RARB: variants seen among roughly 807,000 people sequenced by gnomAD.
The protein encoded by RARB is HBV-activated protein.
In RARB, 17 loss-of-function variants were observed where a neutral mutation model predicts 51.9. That is an observed-to-expected ratio of 0.33 (90% CI 0.22 to 0.49). The LOEUF is 0.49. RARB is among the 20% of genes least tolerant of loss of function. The pLI, the probability that RARB is intolerant of heterozygous loss-of-function variation, is 0.99. For synonymous variants in RARB, 215 were observed against 195.4 expected (o/e 1.10, Z -0.84); for missense variants, 369 against 550.8 (o/e 0.67, Z 3.30).
In RARB at chr3:25,225,001, G is replaced by C. The variant is rs73149229; in HGVS notation, c.178+50426G>C. On this transcript the variant is annotated intron_variant, in intron 5 of 11. Coordinates refer to the RARB transcript ENST00000383772. Reference sequence around the variant, plus strand: ...AGATGTAGTCCTCTATAGTACTCTAGATTTTATAAATTTTATAAATCTAGA... The same window carrying C: ...AGATGTAGTCCTCTATAGTACTCTACATTTTATAAATTTTATAAATCTAGA... Among the ~76,000 whole-genome samples the C allele has an allele frequency of 9.3e-3, 1,420 of 152,114 alleles. 20 individuals are homozygous for C. The highest frequency in any genetic ancestry group is 0.033 in the African/African-American group (1,353 of 41,500).
intron 3 of RARB, among the ~76,000 whole-genome samples, chr3:25,129,316 A>G (rs926042300): frequency 6.6e-6 from 1 of 152,062 alleles, no homozygotes; most frequent in Admixed American, 6.6e-5. Flanking sequence ...TTTTTCCACA[A>G]TATATATTTT....
chr3:25,308,444 C>G (rs1253068464), intron 5 of RARB, among the ~76,000 whole-genome samples: 1 of 131,268 alleles, frequency 7.6e-6, no homozygotes. Context: ...GGTTTTCTTT[C>G]TTTCTTTTTT....
At chr3:25,058,997 G>A (rs1014666782) in intron 2 of RARB, among the ~76,000 whole-genome samples, 1 of 151,308 alleles carries the variant, frequency 6.6e-6, no homozygotes, top group Non-Finnish European at 1.5e-5. Context: ...GAGATAACCA[G>A]TATTAATGCC....
intron 5 of RARB, among the ~76,000 whole-genome samples, chr3:25,201,352 G>A (rs1318059850): frequency 8.5e-5 from 13 of 152,198 alleles, no homozygotes; most frequent in Admixed American, 5.9e-4. Context: ...GGGTTTTCTA[G>A]ATATACAATC....
chr3:25,227,205 C>T (rs2125387951), intron 5 of RARB, among the ~76,000 whole-genome samples: 1 of 152,176 alleles, frequency 6.6e-6, no homozygotes, highest in East Asian at 1.9e-4. Flanking sequence ...AAATGAAAAG[C>T]TTCAAATAAA....
intron 2 of RARB, among the ~76,000 whole-genome samples, chr3:24,941,109 A>T (rs533458691): frequency 3.3e-5 from 5 of 152,166 alleles, no homozygotes; most frequent in Admixed American, 2.0e-4. Context: ...TAGAATGGGG[A>T]TGAGGTAAAG....
intron 5 of RARB, among the ~76,000 whole-genome samples, chr3:25,292,178 G>A (rs1289043929): frequency 6.6e-6 from 1 of 152,080 alleles, no homozygotes; most frequent in Non-Finnish European, 1.5e-5. Context: ...AGGAGAATTT[G>A]ACAAATTAAC....
chr3:25,539,334 C>G (rs1438027788), intron 3 of RARB, among the ~76,000 whole-genome samples: 2 of 152,108 alleles, frequency 1.3e-5, no homozygotes, highest in Admixed American at 6.5e-5. Flanking sequence ...TTAACTCCTA[C>G]CTGTTGGCCC....
intron 5 of RARB, among the ~76,000 whole-genome samples, chr3:25,311,779 G>T (rs1281406836): frequency 6.6e-6 from 1 of 152,064 alleles, no homozygotes; most frequent in African/African-American, 2.4e-5. Flanking sequence ...CTTTCCCCAG[G>T]GCACATATGG....
intron 5 of RARB, among the ~76,000 whole-genome samples, chr3:25,289,121 T>A (rs770088987): frequency 2.6e-5 from 4 of 152,198 alleles, no homozygotes. Flanking sequence ...GGATTAGAGC[T>A]CAGATTTAGA....
chr3:25,336,550 ATTC>A (rs951298903), intron 5 of RARB, among the ~76,000 whole-genome samples: 13 of 152,252 alleles, frequency 8.5e-5, no homozygotes, highest in African/African-American at 2.9e-4. Context: ...TCCTGGCCCA[ATTC>A]TTCTTTGAGG....
At chr3:25,563,937 T>C (rs1159300559) in intron 3 of RARB, among the ~76,000 whole-genome samples, 2 of 139,378 alleles carry the variant, frequency 1.4e-5, no homozygotes, top group African/African-American at 2.8e-5. Context: ...ATACCATCAA[T>C]TGTATTTTCC....
rs577105294 is a variant in RARB, at chr3:25,047,156, C to A, written c.-379-12969C>A. Among the ~76,000 whole-genome samples the A allele has an allele frequency of 4.6e-5, 7 of 152,240 alleles. No individual in the cohort carries two copies. In the South Asian group the frequency reaches 1.0e-3, roughly 23 times the overall value. ...TGTCTTGAGCTTTACAGATTACTTA[C>A]AGAAAAGAGCCCAGGAGTTATTGCT... On this transcript the variant is annotated intron_variant, in intron 2 of 11. Coordinates refer to the RARB transcript ENST00000383772.
At chr3:25,251,976 G>A (rs905731839) in intron 5 of RARB, among the ~76,000 whole-genome samples, 3 of 151,768 alleles carry the variant, frequency 2.0e-5, no homozygotes, top group African/African-American at 7.3e-5. Flanking sequence ...TTTTCTAACA[G>A]TTTTCTAGTT....
At chr3:25,501,464 G>T (rs1334087491) in intron 3 of RARB, 141 bp downstream of exon 3, 1 of 1,054,016 alleles carries the variant, frequency 9.5e-7, no homozygotes, top group Non-Finnish European at 1.3e-6. Flanking sequence ...CATGAAAATG[G>T]GGATTGATAT....
At chr3:25,550,873 G>A (rs1339396045) in intron 3 of RARB, among the ~76,000 whole-genome samples, 1 of 152,166 alleles carries the variant, frequency 6.6e-6, no homozygotes, top group African/African-American at 2.4e-5. Flanking sequence ...GTTTGCTGAA[G>A]ATAATGGCTT....
At chr3:25,125,822 C>T (rs895500036) in intron 3 of RARB, among the ~76,000 whole-genome samples, 3 of 152,050 alleles carry the variant, frequency 2.0e-5, no homozygotes, top group Non-Finnish European at 4.4e-5. Context: ...ATTAATAACC[C>T]CTCTGTACAA....
chr3:25,482,908 A>G (rs976728181), intron 2 of RARB, among the ~76,000 whole-genome samples: 9 of 152,226 alleles, frequency 5.9e-5, no homozygotes, highest in African/African-American at 1.2e-4. Flanking sequence ...GTACTGCAAT[A>G]TCAAAAATTA....
At chr3:24,875,811 T>C (rs949904680) in intron 2 of RARB, among the ~76,000 whole-genome samples, 2 of 152,092 alleles carry the variant, frequency 1.3e-5, no homozygotes, top group Admixed American at 1.3e-4. Flanking sequence ...TAATTTCCTT[T>C]CCCTGTTTCA....
Sources: allele counts gnomAD v4.1 joint callset (sites outside exome capture counted in the v4.1 genomes callset), GRCh38; gene constraint gnomAD v4.1.1; transcripts MANE v1.5; gene names NCBI Gene and HGNC (gene_info 2026-07-23, HGNC 2026-07-21).